Variants in NKAIN2 observed in about 807,000 individuals in gnomAD.
NKAIN2 encodes the protein sodium/potassium-transporting ATPase subunit beta-1-interacting protein 2.
NKAIN2 carries 14 observed loss-of-function variants against 32.6 expected under a neutral mutation model. The ratio of observed to expected loss-of-function variants is 0.43; its 90% CI spans 0.28 to 0.67. NKAIN2 has a LOEUF of 0.67. Among genes scored for constraint, NKAIN2 ranks in the 30% least tolerant of loss-of-function variants. The probability of loss-of-function intolerance (pLI) is 0.17; values close to 1 mark genes in which losing one functional copy is unlikely to be tolerated. For missense variants in NKAIN2, 198 were observed against 258.3 expected (o/e 0.77, Z 1.60); for synonymous variants, 80 against 87.2 (o/e 0.92, Z 0.46).
chr6:124,265,101 A>C (rs1054084725), intron 1 of NKAIN2, among the ~76,000 whole-genome samples: 1 of 152,150 alleles, frequency 6.6e-6, no homozygotes, highest in Non-Finnish European at 1.5e-5. Flanking sequence ...ATAGATCTAG[A>C]TATGTACATT....
intron 4 of NKAIN2, among the ~76,000 whole-genome samples, chr6:124,768,589 T>C (rs1778614113): frequency 6.6e-6 from 1 of 152,186 alleles, no homozygotes; most frequent in Admixed American, 6.5e-5. Flanking sequence ...TCATAAACTT[T>C]ATATACAACA....
At chr6:124,561,023 G>A (rs115277175) in intron 3 of NKAIN2, among the ~76,000 whole-genome samples, 2 of 152,068 alleles carry the variant, frequency 1.3e-5, no homozygotes, top group South Asian at 2.1e-4. Flanking sequence ...TTCTGGGCAG[G>A]TCACCTAGGA....
At chr6:124,145,777 T>C (rs1787369972) in intron 1 of NKAIN2, among the ~76,000 whole-genome samples, 1 of 152,122 alleles carries the variant, frequency 6.6e-6, no homozygotes, top group Non-Finnish European at 1.5e-5. Flanking sequence ...AGTGCTGGGA[T>C]TACCGGCGTG....
At chr6:124,308,537 C>CTTTTG (rs998247752) in intron 2 of NKAIN2, among the ~76,000 whole-genome samples, 2 of 151,994 alleles carry the variant, frequency 1.3e-5, no homozygotes, top group African/African-American at 4.8e-5. Flanking sequence ...ATCTGAGTTG[C>CTTTTG]TTTTGTTTTG....
At chr6:124,424,517 T>C (rs973808312) in intron 3 of NKAIN2, among the ~76,000 whole-genome samples, 1 of 152,142 alleles carries the variant, frequency 6.6e-6, no homozygotes, top group African/African-American at 2.4e-5. Context: ...TCATCCTACA[T>C]AAATGAACTT....
intron 1 of NKAIN2, among the ~76,000 whole-genome samples, chr6:123,910,301 G>A (rs1389411965): frequency 6.6e-6 from 1 of 152,012 alleles, no homozygotes; most frequent in African/African-American, 2.4e-5. Context: ...CAGATTCTTT[G>A]TTAGCCATTG....
chr6:124,034,772 A>G (rs1344506572), intron 1 of NKAIN2, among the ~76,000 whole-genome samples: 1 of 151,908 alleles, frequency 6.6e-6, no homozygotes, highest in East Asian at 1.9e-4. Context: ...TCACATCCTC[A>G]CCAACACCTG....
intron 3 of NKAIN2, among the ~76,000 whole-genome samples, chr6:124,388,160 T>C (rs1275911989): frequency 6.6e-6 from 1 of 151,364 alleles, no homozygotes; most frequent in African/African-American, 2.5e-5. Context: ...TTCCACATTT[T>C]TTAACCTGAA....
rs1022280191 is a variant in NKAIN2 at position 123,846,857 on chromosome 6, C to CACACA, written c.54+42604_54+42608dup. The stretch of plus-strand genomic sequence containing the variant: ...ACACGCACGCGCGCACACACACACA[C>CACACA]ACACATAACACATGTCTCTTATTTC... On this transcript the variant is annotated intron_variant, in intron 1 of 6. Coordinates refer to ENST00000368417, the MANE Select transcript of NKAIN2 (RefSeq NM_001040214.3). Among the ~76,000 whole-genome samples, 5 of 151,896 alleles carry CACACA rather than the reference C, an allele frequency of 3.3e-5. No individual in the cohort carries two copies. The East Asian group carries it at 7.8e-4, about 24-fold the overall frequency.
At chr6:124,490,928 A>G (rs965269477) in intron 3 of NKAIN2, among the ~76,000 whole-genome samples, 2 of 151,938 alleles carry the variant, frequency 1.3e-5, no homozygotes, top group African/African-American at 2.4e-5. Context: ...AGGCAGAATA[A>G]TATTTTCTAG....
At chr6:124,643,697 C>T (rs1290538499) in intron 3 of NKAIN2, among the ~76,000 whole-genome samples, 5 of 152,078 alleles carry the variant, frequency 3.3e-5, no homozygotes, top group African/African-American at 1.2e-4. Context: ...GGCTTATTGC[C>T]ATTTCATAAG....
At chr6:123,938,396 TTATATATATATATATATA>T (rs71021471) in intron 1 of NKAIN2, among the ~76,000 whole-genome samples, 6,716 of 52,326 alleles carry the variant, frequency 0.13, 442 homozygotes, top group Non-Finnish European at 0.17. Context: ...TTTGCAAGGG[TTATATATATATATATATA>T]TATATATATA....
At chr6:124,198,957 C>G (rs763649964) in intron 1 of NKAIN2, among the ~76,000 whole-genome samples, 1 of 152,130 alleles carries the variant, frequency 6.6e-6, no homozygotes, top group Non-Finnish European at 1.5e-5. Flanking sequence ...TTGCGCCTTT[C>G]AACATCTTCA....
intron 4 of NKAIN2, among the ~76,000 whole-genome samples, chr6:124,673,014 T>C (rs957044773): frequency 6.6e-6 from 1 of 152,014 alleles, no homozygotes. Flanking sequence ...TGGCTGAAAA[T>C]ATACACTCAT....
chr6:123,950,537 C>T (rs1777278829), intron 1 of NKAIN2, among the ~76,000 whole-genome samples: 2 of 151,808 alleles, frequency 1.3e-5, no homozygotes, highest in South Asian at 2.1e-4. Flanking sequence ...ATAAATTCCT[C>T]TGTCAAAGAA....
At chr6:124,061,156 T>C (rs994030131) in intron 1 of NKAIN2, among the ~76,000 whole-genome samples, 4 of 152,142 alleles carry the variant, frequency 2.6e-5, no homozygotes, top group Non-Finnish European at 2.9e-5. Context: ...GCTCACAAAT[T>C]GCAGCATGTT....
At chr6:124,316,908 ATATAT>A (rs1308619358) in intron 2 of NKAIN2, among the ~76,000 whole-genome samples, 2 of 152,106 alleles carry the variant, frequency 1.3e-5, no homozygotes, top group African/African-American at 4.8e-5. Context: ...AAGCATCATT[ATATAT>A]TAAATGTGTT....
chr6:124,402,938 A>G (rs574468759), intron 3 of NKAIN2, among the ~76,000 whole-genome samples: 31 of 152,238 alleles, frequency 2.0e-4, no homozygotes, highest in African/African-American at 7.0e-4. Context: ...CTGCACCTAT[A>G]CCCACGAACC....
chr6:124,157,173 A>T (rs939768699), intron 1 of NKAIN2, among the ~76,000 whole-genome samples: 1 of 150,066 alleles, frequency 6.7e-6, no homozygotes, highest in African/African-American at 2.4e-5. Context: ...AGACACAGAG[A>T]TATTCTTGGG....
Sources: gnomAD v4.1 joint callset for allele counts (sites outside exome capture counted in the v4.1 genomes callset) on GRCh38, gnomAD v4.1.1 for gene constraint, MANE v1.5 for transcripts, NCBI Gene and HGNC (gene_info 2026-07-23, HGNC 2026-07-21) for gene names.